KLF17: variants seen among roughly 807,000 people sequenced by gnomAD.
KLF17 encodes KLF transcription factor 17.
Under a neutral mutation model 34.2 loss-of-function variants are expected in KLF17, and 31 were observed. The ratio of observed to expected loss-of-function variants is 0.91; its 90% CI spans 0.68 to 1.22. The LOEUF (loss-of-function observed/expected upper bound fraction) is 1.22, where lower values mean the gene tolerates loss of function less well. KLF17 is among the 50% of genes most tolerant of loss of function. KLF17 has a pLI of 0.00. For synonymous variants in KLF17, 179 were observed against 186.7 expected (o/e 0.96, Z 0.34); for missense variants, 478 against 505.2 (o/e 0.95, Z 0.52).
chr1:44,103,727 G>A, the KLF17 span: 1 of 1,447,352 alleles, frequency 6.9e-7, no homozygotes, highest in Non-Finnish European at 9.6e-7. Context: ...ACAGCTTGGC[G>A]TTGGCACCCT....
At chr1:44,116,670 A>G (rs1208927548), upstream of KLF17, among the ~76,000 whole-genome samples, 3 of 152,194 alleles carry the variant, frequency 2.0e-5, no homozygotes, top group Non-Finnish European at 4.4e-5. Context: ...CAAATCCAGT[A>G]GTCACTTACC....
intron 1 of KLF17, among the ~76,000 whole-genome samples, chr1:44,128,119 C>T (rs573420915): frequency 6.6e-6 from 1 of 152,156 alleles, no homozygotes; most frequent in Non-Finnish European, 1.5e-5. Context: ...CTCACTCTGT[C>T]AGCACAGGCT....
chr1:44,049,600 A>T, the KLF17 span, among the ~76,000 whole-genome samples: 1 of 152,196 alleles, frequency 6.6e-6, no homozygotes, highest in Non-Finnish European at 1.5e-5. Flanking sequence ...CTCTGAGCTC[A>T]GCCTCCTGAA....
chr1:44,100,956 A>G, the KLF17 span, among the ~76,000 whole-genome samples: 49,392 of 152,136 alleles, frequency 0.32, 8,168 homozygotes, highest in South Asian at 0.38. Flanking sequence ...AGTTGCAAAG[A>G]ATATAATTTC....
chr1:44,112,911 A>AG, the KLF17 span, among the ~76,000 whole-genome samples: 1 of 152,204 alleles, frequency 6.6e-6, no homozygotes, highest in Non-Finnish European at 1.5e-5. Flanking sequence ...ACACAGTGCT[A>AG]GGTACCCAGA....
chr1:44,060,245 G>A, the KLF17 span, among the ~76,000 whole-genome samples: 1 of 152,058 alleles, frequency 6.6e-6, no homozygotes, highest in South Asian at 2.1e-4. Flanking sequence ...CAAGCCAGGG[G>A]GATCACTTGA....
At chr1:44,049,976 ACT>A in the KLF17 span, among the ~76,000 whole-genome samples, 2 of 152,186 alleles carry the variant, frequency 1.3e-5, no homozygotes, top group African/African-American at 4.8e-5. Context: ...ATAGCCAGTA[ACT>A]CTCCCAACAG....
chr1:44,104,020 G>T, the KLF17 span: 1 of 862,262 alleles, frequency 1.2e-6, no homozygotes, highest in South Asian at 1.3e-5. Flanking sequence ...TCCATGGAGC[G>T]GCTGTTGTCC....
chr1:44,103,648 G>C, the KLF17 span: 3 of 1,610,394 alleles, frequency 1.9e-6, no homozygotes, highest in Non-Finnish European at 2.5e-6. Flanking sequence ...ACGTTCATCA[G>C]CTCCTAGTAC....
chr1:44,126,108 CT>C (rs1457563442), intron 1 of KLF17, among the ~76,000 whole-genome samples: 1 of 152,122 alleles, frequency 6.6e-6, no homozygotes, highest in East Asian at 1.9e-4. Context: ...ACTGCAAGCT[CT>C]GCCTCCCGGG....
chr1:44,106,184 G>T, the KLF17 span, among the ~76,000 whole-genome samples: 1 of 151,690 alleles, frequency 6.6e-6, no homozygotes, highest in Non-Finnish European at 1.5e-5. Flanking sequence ...CTCCATACTG[G>T]TTCTGAGCTC....
chr1:44,125,783 T>G (rs1459027723), intron 1 of KLF17, among the ~76,000 whole-genome samples: 1 of 151,954 alleles, frequency 6.6e-6, no homozygotes, highest in Middle Eastern at 3.4e-3. Context: ...TGTTTTATTA[T>G]AATGTTTCTT....
At chr1:44,075,383 C>T in the KLF17 span, among the ~76,000 whole-genome samples, 3 of 152,226 alleles carry the variant, frequency 2.0e-5, no homozygotes, top group East Asian at 5.8e-4. Flanking sequence ...AATCACAACG[C>T]ATGTGGTTTT....
chr1:44,104,455 C>T, the KLF17 span: 1 of 809,850 alleles, frequency 1.2e-6, no homozygotes, highest in South Asian at 1.3e-5. Flanking sequence ...CGCACCTTGT[C>T]GATGAAGGAG....
At chr1:44,098,793 G>A in the KLF17 span, among the ~76,000 whole-genome samples, 3 of 151,530 alleles carry the variant, frequency 2.0e-5, no homozygotes, top group South Asian at 2.1e-4. Context: ...CTTGTGATCC[G>A]CCCACCTCGG....
At chr1:44,130,819 C>CGGA (rs2088100523) in intron 3 of KLF17, 63 bp downstream of exon 3, 1 of 1,528,108 alleles carries the variant, frequency 6.5e-7, no homozygotes, top group African/African-American at 1.4e-5. Context: ...TTTTTTGAGA[C>CGGA]GGAGTCTCAC....
intron 1 of KLF17, among the ~76,000 whole-genome samples, chr1:44,126,806 G>A (rs1393550842): frequency 2.0e-5 from 3 of 152,020 alleles, no homozygotes; most frequent in Non-Finnish European, 2.9e-5. Flanking sequence ...CAAATGCTTC[G>A]ATAGGCTATT....
At chr1:44,122,513 C>T (rs2087959771) in intron 1 of KLF17, 6 of 906,346 alleles carry the variant, frequency 6.6e-6, no homozygotes, top group South Asian at 2.6e-5. Flanking sequence ...CGAGCTTCAT[C>T]CTAGCGGTGC....
chr1:44,109,809 T>C, the KLF17 span, among the ~76,000 whole-genome samples: 2 of 152,038 alleles, frequency 1.3e-5, no homozygotes, highest in Non-Finnish European at 2.9e-5. Context: ...GAACTATCTA[T>C]TATATACAAA....
Sources: gnomAD v4.1 joint callset for allele counts (sites outside exome capture counted in the v4.1 genomes callset) on GRCh38, gnomAD v4.1.1 for gene constraint, MANE v1.5 for transcripts, NCBI Gene and HGNC (gene_info 2026-07-23, HGNC 2026-07-21) for gene names.